DAB1: variants seen among roughly 807,000 people sequenced by gnomAD.
The protein encoded by DAB1 is DAB adaptor protein 1.
DAB1 carries 15 observed loss-of-function variants against 64.6 expected under a neutral mutation model. The ratio of observed to expected loss-of-function variants is 0.23; its 90% confidence interval spans 0.16 to 0.36. The LOEUF (loss-of-function observed/expected upper bound fraction) is 0.36. DAB1 is among the 10% of genes least tolerant of loss of function. The pLI is 1.00. For missense variants in DAB1, 596 were observed against 706.7 expected (o/e 0.84, Z 1.78); for synonymous variants, 235 against 251.9 (o/e 0.93, Z 0.64).
intron 3 of DAB1, among the ~76,000 whole-genome samples, chr1:58,411,164 T>C (rs1644663804): frequency 6.6e-6 from 1 of 152,226 alleles, no homozygotes; most frequent in Admixed American, 6.5e-5. Context: ...CTTAATTTCT[T>C]TTATCTGAAC....
chr1:58,107,805 CGGG>C (rs1277202216), intron 5 of DAB1, among the ~76,000 whole-genome samples: 1 of 151,730 alleles, frequency 6.6e-6, no homozygotes, highest in African/African-American at 2.4e-5. Context: ...TTAGTACAGC[CGGG>C]GTTTCTCCAT....
intron 1 of DAB1, among the ~76,000 whole-genome samples, chr1:57,310,333 G>C (rs941446999): frequency 6.6e-6 from 1 of 152,186 alleles, no homozygotes; most frequent in Admixed American, 6.5e-5. Flanking sequence ...ATTTGAGGCA[G>C]AGGGAACAGC....
At chr1:57,337,547 A>T (rs1677177630) in intron 1 of DAB1, among the ~76,000 whole-genome samples, 1 of 152,088 alleles carries the variant, frequency 6.6e-6, no homozygotes, top group African/African-American at 2.4e-5. Context: ...CTGTACTCTC[A>T]GTGTCTCTCC....
At chr1:58,448,616 G>A (rs1327946554) in intron 3 of DAB1, among the ~76,000 whole-genome samples, 1 of 152,184 alleles carries the variant, frequency 6.6e-6, no homozygotes, top group Non-Finnish European at 1.5e-5. Context: ...ATTATAGGAG[G>A]AAACAAAAGG....
intron 5 of DAB1, among the ~76,000 whole-genome samples, chr1:57,943,160 G>A (rs1645128629): frequency 6.6e-6 from 1 of 152,178 alleles, no homozygotes; most frequent in South Asian, 2.1e-4. Flanking sequence ...TGCCTACAAA[G>A]AGTTATGCTC....
intron 6 of DAB1, among the ~76,000 whole-genome samples, chr1:57,713,994 G>C (rs1647055338): frequency 6.6e-6 from 1 of 152,008 alleles, no homozygotes; most frequent in African/African-American, 2.4e-5. Context: ...TATATGTCAG[G>C]CACAGTACCA....
At chr1:58,304,120 C>A (rs986095873) in intron 4 of DAB1, among the ~76,000 whole-genome samples, 1 of 152,008 alleles carries the variant, frequency 6.6e-6, no homozygotes, top group Non-Finnish European at 1.5e-5. Context: ...CATATAAGGG[C>A]GAGAAAGACC....
chr1:58,410,552 T>A (rs982544999), intron 3 of DAB1, among the ~76,000 whole-genome samples: 2 of 152,190 alleles, frequency 1.3e-5, no homozygotes, highest in Non-Finnish European at 2.9e-5. Context: ...CCAGCATGAA[T>A]AGGCTGGAAA....
chr1:58,263,578 T>C (rs889673900), intron 4 of DAB1, among the ~76,000 whole-genome samples: 6 of 152,198 alleles, frequency 3.9e-5, no homozygotes, highest in Non-Finnish European at 4.4e-5. Flanking sequence ...ATAAGGCAGT[T>C]GCTAGACCAT....
At chr1:57,184,425 T>C (rs1312952451) in intron 2 of DAB1, among the ~76,000 whole-genome samples, 1 of 152,216 alleles carries the variant, frequency 6.6e-6, no homozygotes, top group Non-Finnish European at 1.5e-5. Context: ...TTGAAGTGCA[T>C]ACCTGATCAT....
intron 5 of DAB1, among the ~76,000 whole-genome samples, chr1:57,999,443 T>C (rs1256427278): frequency 6.6e-6 from 1 of 152,116 alleles, no homozygotes; most frequent in Admixed American, 6.6e-5. Flanking sequence ...TACAGGAGAT[T>C]CTGAACCCTC....
intron 12 of DAB1, 97 bp downstream of exon 12, chr1:57,014,786 A>G (rs1646369820): frequency 2.0e-6 from 2 of 983,078 alleles, no homozygotes; most frequent in Non-Finnish European, 3.0e-6. Context: ...AGCCTGATTA[A>G]TGCAAGTGAG....
chr1:57,566,306 G>A (rs183934552), intron 7 of DAB1, among the ~76,000 whole-genome samples: 36 of 152,304 alleles, frequency 2.4e-4, no homozygotes, highest in African/African-American at 8.2e-4. Context: ...AGCACTAAAT[G>A]CCCAAAAGAG....
chr1:57,490,415 A>G (rs1252088256), intron 7 of DAB1, among the ~76,000 whole-genome samples: 1 of 152,134 alleles, frequency 6.6e-6, no homozygotes, highest in African/African-American at 2.4e-5. Context: ...ATCACATCAC[A>G]GCAATAATTA....
chr1:57,958,339 G>A (rs750744077), intron 5 of DAB1, among the ~76,000 whole-genome samples: 1 of 152,186 alleles, frequency 6.6e-6, no homozygotes, highest in Non-Finnish European at 1.5e-5. Flanking sequence ...TTGGTAGAAA[G>A]ATCTGCATTC....
At chr1:58,112,806 C>A (rs116754835) in intron 5 of DAB1, among the ~76,000 whole-genome samples, 1 of 152,150 alleles carries the variant, frequency 6.6e-6, no homozygotes, top group Non-Finnish European at 1.5e-5. Context: ...TCCTAAAGTA[C>A]ATGATCCTGT....
chr1:57,759,051 T>C (rs191408564), intron 6 of DAB1, among the ~76,000 whole-genome samples: 4 of 152,090 alleles, frequency 2.6e-5, no homozygotes, highest in Non-Finnish European at 5.9e-5. Flanking sequence ...GCTGCTATTA[T>C]GTTCAGACAT....
intron 6 of DAB1, among the ~76,000 whole-genome samples, chr1:57,694,920 T>A (rs1230501173): frequency 6.6e-6 from 1 of 152,260 alleles, no homozygotes; most frequent in Non-Finnish European, 1.5e-5. Context: ...ATTTTTAAAC[T>A]TGGGCATAAA....
At chr1:57,100,785 A>G (rs1204874800) in intron 4 of DAB1, among the ~76,000 whole-genome samples, 3 of 151,894 alleles carry the variant, frequency 2.0e-5, no homozygotes, top group African/African-American at 7.3e-5. Context: ...GGAAAGGGAA[A>G]TGAAGCACGC....
Sources: allele counts gnomAD v4.1 joint callset (sites outside exome capture counted in the v4.1 genomes callset), GRCh38; gene constraint gnomAD v4.1.1; transcripts MANE v1.5; gene names NCBI Gene and HGNC (gene_info 2026-07-23, HGNC 2026-07-21).